Variants in DNAJC9 observed in about 807,000 individuals in gnomAD.
DNAJC9 encodes dnaJ homolog subfamily C member 9.
Under a neutral mutation model 32.4 loss-of-function variants are expected in DNAJC9, and 18 were observed. The ratio of observed to expected loss-of-function variants is 0.56; its 90% CI spans 0.38 to 0.82. The LOEUF (loss-of-function observed/expected upper bound fraction) is 0.82. Among genes scored for constraint, DNAJC9 ranks in the 40% least tolerant of loss-of-function variants. The pLI, the probability that DNAJC9 is intolerant of heterozygous loss-of-function variation, is 0.00. For missense variants in DNAJC9, 310 were observed against 321.8 expected (o/e 0.96, Z 0.28); for synonymous variants, 113 against 122.1 (o/e 0.93, Z 0.49).
At position 73,243,398 on chromosome 10, in the gene DNAJC9, C is replaced by T; in HGVS notation, c.*2G>A. 6.2e-7 allele frequency: 1 copy of T among 1,613,492 alleles called. No homozygotes were observed. Among genetic ancestry groups the T allele is most frequent in the African/African-American group, 1.3e-5 (1 of 75,020 alleles). ...TAAGGACCTTTGAAGAGAAAAATTC[C>T]ATTATTTCTTTTCTTTCTTGAGAGC... On this transcript the variant is annotated 3_prime_UTR_variant, in exon 5 of 5. Transcript: ENST00000372950.
In DNAJC9 at chr10:73,247,181, C is replaced by T; in HGVS notation, c.9G>A (p.Leu3=). The T allele has an allele frequency of 1.3e-6, 2 of 1,592,824 alleles. No individual in the cohort carries two copies. Among genetic ancestry groups the T allele is most frequent in the Admixed American group, 1.7e-5 (1 of 57,536 alleles). ...CGAACACTTCCTCGCAAAGGTCCAG[C>T]AGCCCCATGCCGGGCGGAGATACGA... MG[L]LDLCEEVFGT... The change falls in exon 1 of 5, where the codon CTG becomes CTA. Residue 3 remains leucine (L), a synonymous_variant. Transcript: ENST00000372950.
chr10:73,245,830 T>C (rs919435210), intron 3 of DNAJC9, 92 bp downstream of exon 3: 5 of 1,495,668 alleles, frequency 3.3e-6, no homozygotes, highest in Non-Finnish European at 4.5e-6. Context: ...TCCTTATTTC[T>C]GGAGTTTTAT....
chr10:73,243,673 G>T, intron 4 of DNAJC9, 154 bp from the exon 5 acceptor site: 2 of 1,152,658 alleles, frequency 1.7e-6, no homozygotes, highest in South Asian at 1.6e-5. Flanking sequence ...GTTAATAATT[G>T]TAAAACTTTG....
At chr10:73,243,627 G>GT in intron 4 of DNAJC9, 108 bp from the exon 5 acceptor site, 2 of 1,424,236 alleles carry the variant, frequency 1.4e-6, no homozygotes, top group Non-Finnish European at 1.9e-6. Flanking sequence ...TGGGTATGGA[G>GT]TTTTTTTGGA....
Position 73,233,182 on chromosome 10 carries a change from A to T in DNAJC9, n.147+10661T>A. 3 of 1,491,632 alleles carry T rather than the reference A, an allele frequency of 2.0e-6. No homozygotes were observed. The South Asian group carries it at 3.6e-5, about 18-fold the overall frequency. 92.4% of individuals were successfully genotyped at this position (1,491,632 alleles called of 1,614,324 possible). ...CCCGAGTGTAGGTTTCAAAAGCAGA[A>T]CTTCTGGAAACCGTGGTAAAACTAA... On this transcript the variant is annotated intron_variant and non_coding_transcript_variant, in intron 2 of 2. Transcript: ENST00000469143.
At position 73,243,396 on chromosome 10, in the gene DNAJC9, T is replaced by G; in HGVS notation, c.*4A>C. 1 of 1,613,480 alleles carries G rather than the reference T, an allele frequency of 6.2e-7. No individual in the cohort carries two copies. Among genetic ancestry groups the G allele is most frequent in the Non-Finnish European group, 8.5e-7 (1 of 1,179,846 alleles). On this transcript the variant is annotated 3_prime_UTR_variant, in exon 5 of 5. Coordinates refer to ENST00000372950, the MANE Select transcript of DNAJC9 (RefSeq NM_015190.5). ...CCTAAGGACCTTTGAAGAGAAAAAT[T>G]CCATTATTTCTTTTCTTTCTTGAGA...
chr10:73,240,444 G>A (rs1425421597), downstream of DNAJC9, among the ~76,000 whole-genome samples: 1 of 152,176 alleles, frequency 6.6e-6, no homozygotes, highest in Non-Finnish European at 1.5e-5. Context: ...TGGGCGTGGT[G>A]GCTCATGCCT....
chr10:73,244,935 T>C (rs1198345368), intron 3 of DNAJC9, among the ~76,000 whole-genome samples: 2 of 152,176 alleles, frequency 1.3e-5, no homozygotes, highest in Admixed American at 6.5e-5. Context: ...TGTTGAACAG[T>C]CTATCAAAAC....
chr10:73,235,521 A>G (rs1233164782), downstream of DNAJC9: 3 of 1,216,662 alleles, frequency 2.5e-6, no homozygotes, highest in Non-Finnish European at 3.3e-6. Context: ...CCTTATACAG[A>G]AATCACAAAT....
At chr10:73,232,854 A>C (rs1355837768) in intron 2 of DNAJC9, 12 of 788,852 alleles carry the variant, frequency 1.5e-5, no homozygotes, top group Non-Finnish European at 6.4e-6. Context: ...TGTAGTTTCT[A>C]GTCTAAGGCT....
intron 3 of DNAJC9, 132 bp downstream of exon 3, chr10:73,245,790 G>C: frequency 8.9e-7 from 1 of 1,127,854 alleles, no homozygotes; most frequent in Non-Finnish European, 1.2e-6. Flanking sequence ...CATTTTATTA[G>C]ATCGAAACTA....
chr10:73,247,176 T>G lies in DNAJC9; in HGVS notation c.14A>C (p.Asp5Ala). 2 of 1,594,686 alleles carry G rather than the reference T, an allele frequency of 1.3e-6. No homozygotes were observed. The highest frequency in any genetic ancestry group is 1.1e-5 in the South Asian group (1 of 88,398). The change falls in exon 1 of 5, where the codon GAC (aspartate) becomes GCC (alanine). Residue 5 changes from aspartate (D) to alanine (A), a missense_variant. By Grantham distance (126) the Asp-to-Ala change is moderately radical. Coordinates refer to ENST00000372950, the MANE Select transcript of DNAJC9 (RefSeq NM_015190.5). ...GGTGCCGAACACTTCCTCGCAAAGG[T>G]CCAGCAGCCCCATGCCGGGCGGAGA... MGLL[D>A]LCEEVFGTAD...
downstream of DNAJC9, chr10:73,241,523 T>A (rs2043952282): frequency 6.2e-6 from 1 of 161,372 alleles, no homozygotes; most frequent in African/African-American, 2.4e-5. Flanking sequence ...TCTTTAGATG[T>A]CCTACCCTAT....
At chr10:73,235,204 C>T (rs1449567605), downstream of DNAJC9, 4 of 1,551,490 alleles carry the variant, frequency 2.6e-6, no homozygotes, top group East Asian at 2.4e-5. Flanking sequence ...AACCCCATGG[C>T]GACTCTAGTC....
downstream of DNAJC9, among the ~76,000 whole-genome samples, chr10:73,240,478 C>T (rs748162205): frequency 7.9e-5 from 12 of 152,072 alleles, no homozygotes; most frequent in South Asian, 2.1e-4. Context: ...TTTCGGAGGC[C>T]AAGGCGGGCG....
At chr10:73,237,243 T>C (rs968644897), downstream of DNAJC9, among the ~76,000 whole-genome samples, 1 of 152,198 alleles carries the variant, frequency 6.6e-6, no homozygotes, top group Non-Finnish European at 1.5e-5. Context: ...CGAGGCTGAC[T>C]TAGGGAGAAA....
intron 2 of DNAJC9, chr10:73,232,859 A>G (rs2043737538): frequency 1.2e-6 from 1 of 848,122 alleles, no homozygotes. Flanking sequence ...TTTCTAGTCT[A>G]AGGCTTTTTA....
intron 2 of DNAJC9, 32 bp from the exon 3 acceptor site, chr10:73,246,208 G>A (rs745620118): frequency 1.7e-5 from 27 of 1,582,872 alleles, no homozygotes; most frequent in African/African-American, 4.1e-5. Flanking sequence ...TTTAACTTTG[G>A]GAATTTTACT....
rs2043974950 is a variant in DNAJC9, at chr10:73,243,370, A to C, written c.*30T>G. 6.2e-7 allele frequency: 1 copy of C among 1,610,552 alleles called. No individual in the cohort carries two copies. The highest frequency in any genetic ancestry group is 1.3e-5 in the African/African-American group (1 of 74,754). On this transcript the variant is annotated 3_prime_UTR_variant, in exon 5 of 5. Transcript: ENST00000372950. ...CTTGCCTACGATGGCATCAATTTAC[A>C]CCTAAGGACCTTTGAAGAGAAAAAT...
Sources: allele counts gnomAD v4.1 joint callset (sites outside exome capture counted in the v4.1 genomes callset), GRCh38; gene constraint gnomAD v4.1.1; transcripts MANE v1.5; gene names NCBI Gene and HGNC (gene_info 2026-07-23, HGNC 2026-07-21).